Variants in C1orf21 observed in about 807,000 individuals in gnomAD.
C1orf21 encodes the protein chromosome 1 open reading frame 21.
Under a neutral mutation model 18.7 loss-of-function variants are expected in C1orf21, and 3 were observed. That is an observed-to-expected ratio of 0.16 (90% CI 0.07 to 0.42). C1orf21 has a LOEUF of 0.42. C1orf21 is among the 10% of genes least tolerant of loss of function. The pLI is 0.99. For synonymous variants in C1orf21, 41 were observed against 46.4 expected (o/e 0.88, Z 0.47); for missense variants, 104 against 143.6 (o/e 0.72, Z 1.41).
chr1:184,509,675 T>C (rs1658115626), intron 3 of C1orf21, among the ~76,000 whole-genome samples: 1 of 152,210 alleles, frequency 6.6e-6, no homozygotes, highest in Non-Finnish European at 1.5e-5. Flanking sequence ...GGAAGGTGGA[T>C]AAAATAGATT....
At chr1:184,617,519 G>A (rs185185792) in intron 5 of C1orf21, among the ~76,000 whole-genome samples, 3 of 152,314 alleles carry the variant, frequency 2.0e-5, no homozygotes, top group Admixed American at 2.0e-4. Flanking sequence ...GCTCTCCAGT[G>A]TGTGACTCAG....
chr1:184,530,104 G>A (rs1436307499), intron 3 of C1orf21, among the ~76,000 whole-genome samples: 4 of 152,178 alleles, frequency 2.6e-5, no homozygotes, highest in Non-Finnish European at 5.9e-5. Context: ...TTTGCAAATA[G>A]TAGATGCTTT....
rs561589400 is a variant in C1orf21 at position 184,392,036 on chromosome 1, G to A, written c.-125+4668G>A. ...AAATTACAAGAATTTCTAGTTAGGA[G>A]CATCTTGATTTGGAATAGATATAAT... On this transcript the variant is annotated intron_variant, in intron 1 of 5. Coordinates refer to ENST00000235307, the MANE Select transcript of C1orf21 (RefSeq NM_030806.4). Among the ~76,000 whole-genome samples the A allele has an allele frequency of 1.7e-4, 26 of 152,234 alleles. 1 individual carries two copies. In the South Asian group the frequency reaches 5.4e-3, roughly 32 times the overall value.
intron 3 of C1orf21, among the ~76,000 whole-genome samples, chr1:184,587,421 G>T (rs1306685252): frequency 1.3e-5 from 2 of 151,730 alleles, no homozygotes; most frequent in Admixed American, 6.6e-5. Flanking sequence ...ATCCATAAAC[G>T]TGGAATGTTT....
chr1:184,437,672 G>A (rs935190351), intron 1 of C1orf21, among the ~76,000 whole-genome samples: 6 of 152,006 alleles, frequency 3.9e-5, no homozygotes, highest in Non-Finnish European at 8.8e-5. Context: ...TTTCATGGAA[G>A]ACAATTTTTC....
At chr1:184,611,186 TG>T (rs777618525) in intron 5 of C1orf21, among the ~76,000 whole-genome samples, 3 of 152,364 alleles carry the variant, frequency 2.0e-5, no homozygotes, top group Non-Finnish European at 4.4e-5. Context: ...ATTTTTCTAA[TG>T]AAGTAATCCA....
chr1:184,616,831 A>G (rs1311806247), intron 5 of C1orf21, among the ~76,000 whole-genome samples: 1 of 152,064 alleles, frequency 6.6e-6, no homozygotes, highest in Non-Finnish European at 1.5e-5. Context: ...CTTTGCTTTG[A>G]TTTGAGGCCT....
intron 1 of C1orf21, among the ~76,000 whole-genome samples, chr1:184,390,575 A>G (rs982382567): frequency 2.0e-5 from 3 of 152,130 alleles, no homozygotes; most frequent in African/African-American, 7.2e-5. Flanking sequence ...GAAAATATAC[A>G]TCTCCTAAAA....
intron 3 of C1orf21, among the ~76,000 whole-genome samples, chr1:184,518,960 A>G (rs922388782): frequency 2.6e-5 from 4 of 152,126 alleles, no homozygotes; most frequent in Non-Finnish European, 4.4e-5. Flanking sequence ...GAGACGTGGC[A>G]TGAATAACGA....
intron 1 of C1orf21, among the ~76,000 whole-genome samples, chr1:184,474,365 C>T (rs1657539728): frequency 6.6e-6 from 1 of 151,902 alleles, no homozygotes; most frequent in African/African-American, 2.4e-5. Context: ...GTTAACCTGC[C>T]CCTCACCCCA....
chr1:184,410,617 TTATATATATATATATATATATATATATA>T (rs1162356586), intron 1 of C1orf21, among the ~76,000 whole-genome samples: 1 of 21,156 alleles, frequency 4.7e-5, no homozygotes, highest in Non-Finnish European at 6.9e-5. Flanking sequence ...GCCATATATA[TTATATATATATATATATATATATATATA>T]TATATATATA....
chr1:184,618,797 A>G (rs1571305378), intron 5 of C1orf21, among the ~76,000 whole-genome samples: 1 of 152,328 alleles, frequency 6.6e-6, no homozygotes, highest in East Asian at 1.9e-4. Context: ...ACAGACCAAG[A>G]GAGTCATGTG....
intron 1 of C1orf21, among the ~76,000 whole-genome samples, chr1:184,429,636 T>C (rs2101970109): frequency 6.6e-6 from 1 of 152,240 alleles, no homozygotes; most frequent in Middle Eastern, 3.4e-3. Context: ...TGTTCTAAGA[T>C]TCAGTTGAAA....
At chr1:184,483,553 G>T (rs72735694) in intron 2 of C1orf21, among the ~76,000 whole-genome samples, 5,629 of 152,086 alleles carry the variant, frequency 0.037, 172 homozygotes, top group Non-Finnish European at 0.055. Flanking sequence ...GTCACTTTTG[G>T]CTTTTGCAGT....
At chr1:184,497,266 C>T (rs921957099) in intron 2 of C1orf21, among the ~76,000 whole-genome samples, 3 of 152,208 alleles carry the variant, frequency 2.0e-5, no homozygotes, top group African/African-American at 7.2e-5. Flanking sequence ...ATGGAGCATG[C>T]GTTTTCCCCA....
At chr1:184,555,262 T>C (rs536393577) in intron 3 of C1orf21, among the ~76,000 whole-genome samples, 2 of 152,158 alleles carry the variant, frequency 1.3e-5, no homozygotes, top group East Asian at 3.9e-4. Flanking sequence ...TCCCCTCCAT[T>C]TTGAGGTCCC....
chr1:184,519,421 C>G (rs1055693779), intron 3 of C1orf21, among the ~76,000 whole-genome samples: 5 of 152,200 alleles, frequency 3.3e-5, no homozygotes, highest in South Asian at 2.1e-4. Context: ...GAAAGAAGCT[C>G]TCTTCAAAGC....
chr1:184,578,933 T>C (rs749012495), intron 3 of C1orf21, among the ~76,000 whole-genome samples: 7 of 149,336 alleles, frequency 4.7e-5, no homozygotes, highest in Non-Finnish European at 1.0e-4. Context: ...AGCAATGATA[T>C]CCGTCATTTA....
At chr1:184,421,974 A>G (rs1656553351) in intron 1 of C1orf21, among the ~76,000 whole-genome samples, 1 of 152,240 alleles carries the variant, frequency 6.6e-6, no homozygotes, top group Admixed American at 6.5e-5. Flanking sequence ...ATGTGTGTGC[A>G]TATGTGCATG....
Sources: allele counts gnomAD v4.1 joint callset (sites outside exome capture counted in the v4.1 genomes callset), GRCh38; gene constraint gnomAD v4.1.1; transcripts MANE v1.5; gene names NCBI Gene and HGNC (gene_info 2026-07-23, HGNC 2026-07-21).